The following NTNG1 variants were observed in gnomAD, a reference collection of about 807,000 sequenced individuals.
NTNG1 encodes netrin G1.
Under a neutral mutation model 54.0 loss-of-function variants are expected in NTNG1, and 16 were observed. The observed-to-expected ratio is 0.30, with a 90% CI of 0.20 to 0.45. The LOEUF (loss-of-function observed/expected upper bound fraction) is 0.45, where lower values mean the gene tolerates loss of function less well. NTNG1 is among the 20% of genes least tolerant of loss of function. The probability of loss-of-function intolerance (pLI) is 1.00; values close to 1 mark genes in which losing one functional copy is unlikely to be tolerated. For synonymous variants in NTNG1, 255 were observed against 263.1 expected, an observed-to-expected ratio of 0.97 and a Z score of 0.30; for missense variants, 530 against 678.7, an observed-to-expected ratio of 0.78 and a Z score of 2.43.
chr1:107,313,955 G>C (rs931351128), intron 2 of NTNG1, among the ~76,000 whole-genome samples: 1 of 152,102 alleles, frequency 6.6e-6, no homozygotes, highest in Non-Finnish European at 1.5e-5. Context: ...CCCCACAGTA[G>C]ACATGATATT....
At chr1:107,183,382 G>C (rs534336390) in intron 2 of NTNG1, among the ~76,000 whole-genome samples, 1 of 152,122 alleles carries the variant, frequency 6.6e-6, no homozygotes, top group African/African-American at 2.4e-5. Flanking sequence ...TTCGGGAAGC[G>C]ATCAGTTAGA....
chr1:107,407,008 T>A (rs1456313974), intron 4 of NTNG1, among the ~76,000 whole-genome samples: 2 of 152,164 alleles, frequency 1.3e-5, no homozygotes, highest in African/African-American at 4.8e-5. Context: ...CTTCTCTACC[T>A]TAGCACAACT....
At chr1:107,250,032 A>T (rs1326247267) in intron 2 of NTNG1, among the ~76,000 whole-genome samples, 1 of 152,112 alleles carries the variant, frequency 6.6e-6, no homozygotes, top group Non-Finnish European at 1.5e-5. Context: ...TTTTCTTGTT[A>T]TATAAAAGGA....
chr1:107,156,125 G>A (rs572403322), intron 2 of NTNG1, among the ~76,000 whole-genome samples: 9 of 152,278 alleles, frequency 5.9e-5, no homozygotes, highest in Admixed American at 3.9e-4. Flanking sequence ...AAAGTGACAC[G>A]TGACTGTATT....
intron 3 of NTNG1, among the ~76,000 whole-genome samples, chr1:107,330,120 G>A (rs1369334105): frequency 1.3e-5 from 2 of 152,040 alleles, no homozygotes; most frequent in African/African-American, 4.8e-5. Flanking sequence ...CCTAAAAACA[G>A]CACAGCATGT....
At chr1:107,263,233 G>A (rs1020341977) in intron 2 of NTNG1, among the ~76,000 whole-genome samples, 6 of 151,822 alleles carry the variant, frequency 4.0e-5, no homozygotes, top group Non-Finnish European at 8.8e-5. Flanking sequence ...AGAGTGAGTG[G>A]GTGTGTGGGA....
At chr1:107,178,977 T>C (rs1233310246) in intron 2 of NTNG1, among the ~76,000 whole-genome samples, 1 of 152,186 alleles carries the variant, frequency 6.6e-6, no homozygotes, top group Non-Finnish European at 1.5e-5. Context: ...ATAGCATATG[T>C]TATTTCCACT....
chr1:107,441,171 A>T (rs577506149), intron 7 of NTNG1, among the ~76,000 whole-genome samples: 14 of 152,258 alleles, frequency 9.2e-5, no homozygotes, highest in South Asian at 8.3e-4. Flanking sequence ...GTTAACATGT[A>T]TTGGGAAGTA....
At chr1:107,356,537 G>C (rs1225072624) in intron 3 of NTNG1, among the ~76,000 whole-genome samples, 1 of 152,026 alleles carries the variant, frequency 6.6e-6, no homozygotes, top group South Asian at 2.1e-4. Context: ...CAAGTGATCT[G>C]CTTGCTTCGG....
At chr1:107,303,950 G>T (rs1006161553) in intron 2 of NTNG1, among the ~76,000 whole-genome samples, 2 of 151,874 alleles carry the variant, frequency 1.3e-5, no homozygotes, top group Non-Finnish European at 2.9e-5. Context: ...CTCCAGAAGT[G>T]CTGGGATTAC....
At chr1:107,352,022 G>A (rs1033523435) in intron 3 of NTNG1, among the ~76,000 whole-genome samples, 2 of 152,246 alleles carry the variant, frequency 1.3e-5, no homozygotes, top group South Asian at 2.1e-4. Context: ...CCAGGGCACA[G>A]TGGTGCAAGG....
At chr1:107,384,006 G>A (rs1237916608) in intron 3 of NTNG1, among the ~76,000 whole-genome samples, 3 of 152,132 alleles carry the variant, frequency 2.0e-5, no homozygotes, top group African/African-American at 4.8e-5. Context: ...TGTGGAGAAC[G>A]GTTGCAATCT....
intron 2 of NTNG1, among the ~76,000 whole-genome samples, chr1:107,232,632 A>G (rs1453580309): frequency 1.3e-5 from 2 of 152,162 alleles, no homozygotes; most frequent in African/African-American, 4.8e-5. Flanking sequence ...GTTCGTCTTG[A>G]GATATTATAT....
Position 107,154,725 on chromosome 1 carries a change from G to A in NTNG1, c.246+5886G>A, listed in dbSNP as rs566665876. On this transcript the variant is annotated intron_variant, in intron 2 of 7. Transcript: ENST00000370068. ...TCTGGCAGATATAGCCAGGATGGAA[G>A]AGGAACAAAATAATAAAGAACCTGA... Among the ~76,000 whole-genome samples, 5 of 150,692 alleles carry A rather than the reference G, an allele frequency of 3.3e-5. No homozygotes were observed. The South Asian group carries it at 6.3e-4, about 19-fold the overall frequency.
intron 2 of NTNG1, among the ~76,000 whole-genome samples, chr1:107,208,053 C>T (rs563478845): frequency 1.3e-3 from 202 of 152,264 alleles, no homozygotes; most frequent in Admixed American, 2.4e-3. Flanking sequence ...GGAAACAGAG[C>T]TGATGCTGAA....
chr1:107,195,004 T>G (rs1239405604), intron 2 of NTNG1, among the ~76,000 whole-genome samples: 3 of 152,054 alleles, frequency 2.0e-5, no homozygotes, highest in Admixed American at 2.0e-4. Flanking sequence ...AGCTGTGGTC[T>G]TCTTACATTT....
chr1:107,290,208 C>A (rs1665490473), intron 2 of NTNG1, among the ~76,000 whole-genome samples: 1 of 152,142 alleles, frequency 6.6e-6, no homozygotes, highest in Non-Finnish European at 1.5e-5. Flanking sequence ...GATACCTATA[C>A]CACTTAAGGG....
chr1:107,340,106 T>C (rs1399739294), intron 3 of NTNG1, among the ~76,000 whole-genome samples: 1 of 152,104 alleles, frequency 6.6e-6, no homozygotes, highest in Non-Finnish European at 1.5e-5. Flanking sequence ...AACAATTATC[T>C]CCATATGTTA....
At chr1:107,325,809 G>A (rs771148463) in intron 3 of NTNG1, among the ~76,000 whole-genome samples, 1 of 152,028 alleles carries the variant, frequency 6.6e-6, no homozygotes. Context: ...CTAGCAAAGG[G>A]AAAGGCAAGC....
Sources: allele counts gnomAD v4.1 joint callset (sites outside exome capture counted in the v4.1 genomes callset), GRCh38; gene constraint gnomAD v4.1.1; transcripts MANE v1.5; gene names NCBI Gene and HGNC (gene_info 2026-07-23, HGNC 2026-07-21).